Variants in NLGN1 observed in about 807,000 individuals in gnomAD.
The protein encoded by NLGN1 is neuroligin 1.
In NLGN1, 12 loss-of-function variants were observed where a neutral mutation model predicts 65.5. The observed-to-expected ratio is 0.18, with a 90% confidence interval of 0.12 to 0.30. The LOEUF (loss-of-function observed/expected upper bound fraction) is 0.30. Ranked by LOEUF, NLGN1 falls within the 10% of genes least tolerant of loss-of-function variation. The pLI is 1.00. For missense variants in NLGN1, 750 were observed against 1,007.1 expected (o/e 0.74, Z 3.46); for synonymous variants, 350 against 359.5 (o/e 0.97, Z 0.30).
chr3:173,758,032 G>C (rs1256018326), intron 3 of NLGN1, among the ~76,000 whole-genome samples: 1 of 151,950 alleles, frequency 6.6e-6, no homozygotes, highest in Non-Finnish European at 1.5e-5. Context: ...AGGACTTTTA[G>C]AAGGCAGTTA....
At chr3:173,948,444 C>T (rs1000972266) in intron 4 of NLGN1, among the ~76,000 whole-genome samples, 3 of 152,110 alleles carry the variant, frequency 2.0e-5, no homozygotes, top group Admixed American at 6.6e-5. Flanking sequence ...AAAGTTGAGA[C>T]GGCCAAAAGA....
intron 4 of NLGN1, among the ~76,000 whole-genome samples, chr3:173,958,892 G>A (rs1202367720): frequency 6.6e-6 from 1 of 152,222 alleles, no homozygotes; most frequent in Non-Finnish European, 1.5e-5. Context: ...AGGCAGCAGG[G>A]GGTTGTCACG....
chr3:173,997,004 A>G (rs916792837), intron 4 of NLGN1, among the ~76,000 whole-genome samples: 1 of 152,138 alleles, frequency 6.6e-6, no homozygotes, highest in Non-Finnish European at 1.5e-5. Context: ...TTTGTGACAT[A>G]TTAGTGAGTG....
exon 7 of NLGN1, chr3:174,286,269 A>G (rs1333918129): frequency 6.6e-6 from 1 of 151,534 alleles, no homozygotes. Flanking sequence ...ATGTGACAGA[A>G]TTTAGTCCTT....
chr3:173,761,350 C>T (rs1439767010), intron 3 of NLGN1, among the ~76,000 whole-genome samples: 3 of 151,878 alleles, frequency 2.0e-5, no homozygotes, highest in Non-Finnish European at 2.9e-5. Context: ...TGGCAGGGGT[C>T]CCAAACTCAG....
chr3:173,828,957 G>A (rs1349054584), intron 4 of NLGN1, among the ~76,000 whole-genome samples: 1 of 152,020 alleles, frequency 6.6e-6, no homozygotes, highest in Non-Finnish European at 1.5e-5. Flanking sequence ...GAAAGGCACT[G>A]AAGAACTTTA....
chr3:174,255,435 C>CAAAAGAAA (rs1745520927), intron 4 of NLGN1, among the ~76,000 whole-genome samples: 1 of 70,220 alleles, frequency 1.4e-5, no homozygotes, highest in East Asian at 4.5e-4. Flanking sequence ...GACTCTGTCT[C>CAAAAGAAA]AAAAAAAAAA....
chr3:174,105,427 C>G (rs1378088979), intron 4 of NLGN1, among the ~76,000 whole-genome samples: 1 of 152,002 alleles, frequency 6.6e-6, no homozygotes. Flanking sequence ...ATCCCAACTA[C>G]TCAGATGGCA....
chr3:174,199,319 T>C (rs1466436099), intron 4 of NLGN1, among the ~76,000 whole-genome samples: 1 of 151,792 alleles, frequency 6.6e-6, no homozygotes, highest in African/African-American at 2.4e-5. Flanking sequence ...TAATAAAACA[T>C]AAAGGATTTG....
intron 4 of NLGN1, among the ~76,000 whole-genome samples, chr3:174,169,766 C>A (rs949797801): frequency 2.0e-5 from 3 of 152,142 alleles, no homozygotes; most frequent in African/African-American, 7.2e-5. Context: ...CCAGGAGAAA[C>A]TGTAGCTGTA....
At chr3:174,187,977 A>C (rs984348568) in intron 4 of NLGN1, among the ~76,000 whole-genome samples, 1 of 152,018 alleles carries the variant, frequency 6.6e-6, no homozygotes, top group Admixed American at 6.6e-5. Flanking sequence ...TTATTGAATG[A>C]ATCAATCAAC....
At chr3:174,129,354 AACACACACACAC>A (rs61122760) in intron 4 of NLGN1, among the ~76,000 whole-genome samples, 7,509 of 116,816 alleles carry the variant, frequency 0.064, 259 homozygotes, top group Middle Eastern at 0.12. Context: ...CCCGGTTTAC[AACACACACACAC>A]ACACACACAC....
chr3:173,758,522 T>C (rs1292297428), intron 3 of NLGN1, among the ~76,000 whole-genome samples: 3 of 152,088 alleles, frequency 2.0e-5, no homozygotes, highest in Non-Finnish European at 4.4e-5. Context: ...CCTGCTAATA[T>C]ATTATCTACA....
Position 174,265,967 on chromosome 3 carries a change from T to C in NLGN1, c.647-9348T>C, listed in dbSNP as rs551574262. Among the ~76,000 whole-genome samples, 130 of 147,982 alleles carry C rather than the reference T, an allele frequency of 8.8e-4. 1 individual carries two copies. The highest frequency in any genetic ancestry group is 2.5e-3 in the Admixed American group (37 of 14,718). The stretch of plus-strand genomic sequence containing the variant: ...ATATATGTGTATGTGTATATATGTG[T>C]ATAAGTATATATATGTATATATGTA... On this transcript the variant is annotated intron_variant, in intron 4 of 6. Coordinates refer to ENST00000457714, the Ensembl canonical transcript of NLGN1.
intron 4 of NLGN1, among the ~76,000 whole-genome samples, chr3:174,044,080 G>T (rs1384891399): frequency 6.6e-6 from 1 of 152,148 alleles, no homozygotes; most frequent in Non-Finnish European, 1.5e-5. Flanking sequence ...GGCCTAGGCT[G>T]TATCTTGGTC....
chr3:173,495,383 A>G (rs1729834990), intron 2 of NLGN1, among the ~76,000 whole-genome samples: 1 of 151,728 alleles, frequency 6.6e-6, no homozygotes, highest in African/African-American at 2.4e-5. Flanking sequence ...TCAATTTTGT[A>G]CATTCCTTTG....
Position 173,427,595 on chromosome 3 carries a change from T to C in NLGN1, c.-389-7415T>C, listed in dbSNP as rs146648538. Among the ~76,000 whole-genome samples, 91 of 152,088 alleles carry C rather than the reference T, an allele frequency of 6.0e-4. 1 individual carries two copies. The highest frequency in any genetic ancestry group is 1.0e-3 in the Non-Finnish European group (71 of 67,864). On this transcript the variant is annotated intron_variant, in intron 1 of 6. Coordinates refer to ENST00000457714, the Ensembl canonical transcript of NLGN1. ...ATTGGTTTTTCAAGGCCATGTTGTTTAATTTTCATGTATCTGTGCAATTTC... is the reference window on the plus strand; with the variant it reads ...ATTGGTTTTTCAAGGCCATGTTGTTCAATTTTCATGTATCTGTGCAATTTC...
intron 2 of NLGN1, among the ~76,000 whole-genome samples, chr3:173,443,189 T>C (rs1245935820): frequency 1.3e-5 from 2 of 151,550 alleles, no homozygotes; most frequent in Non-Finnish European, 2.9e-5. Flanking sequence ...CAGTAACCTA[T>C]GATCATGTCA....
chr3:173,622,178 A>T (rs1055938172), intron 3 of NLGN1, among the ~76,000 whole-genome samples: 2 of 152,134 alleles, frequency 1.3e-5, no homozygotes, highest in Admixed American at 1.3e-4. Context: ...AGGCTGTCTG[A>T]GTATAATTTT....
Sources: allele counts gnomAD v4.1 joint callset (sites outside exome capture counted in the v4.1 genomes callset), GRCh38; gene constraint gnomAD v4.1.1; transcripts MANE v1.5; gene names NCBI Gene and HGNC (gene_info 2026-07-23, HGNC 2026-07-21).